The following FGFR1OP2 variants were observed in gnomAD, a reference collection of about 807,000 sequenced individuals.
The protein encoded by FGFR1OP2 is FGFR1 oncogene partner 2.
Under a neutral mutation model 35.2 loss-of-function variants are expected in FGFR1OP2, and 17 were observed. The ratio of observed to expected loss-of-function variants is 0.48; its 90% CI spans 0.33 to 0.73. FGFR1OP2 has a LOEUF of 0.73. Ranked by LOEUF, FGFR1OP2 falls within the 30% of genes least tolerant of loss-of-function variation. The pLI, the probability that FGFR1OP2 is intolerant of heterozygous loss-of-function variation, is 0.02. For synonymous variants in FGFR1OP2, 105 were observed against 104.6 expected, an observed-to-expected ratio of 1.00 and a Z score of -0.03; for missense variants, 251 against 307.3, an observed-to-expected ratio of 0.82 and a Z score of 1.37.
chr12:26,964,677 A>G lies in FGFR1OP2; in HGVS notation c.706A>G (p.Ser236Gly). 6.2e-7 allele frequency: 1 copy of G among 1,612,436 alleles called. No homozygotes were observed. The highest frequency in any genetic ancestry group is 8.5e-7 in the Non-Finnish European group (1 of 1,179,460). ...LNLRKDDASESTSLSALVTNS... is the reference protein window; with the variant it reads ...LNLRKDDASEGTSLSALVTNS... ...CCTAAGGAAAGATGATGCGTCGGAA[A>G]GTACTTCTTTGTCAGCATTAGTGAC... The change falls in exon 7 of 7, where the codon AGT becomes GGT. Residue 236 changes from serine to glycine, a missense_variant. Ser to Gly is a moderately conservative substitution (Grantham distance 56). Coordinates refer to ENST00000229395, the MANE Select transcript of FGFR1OP2 (RefSeq NM_015633.3).
chr12:26,942,651 A>G (rs1374786651), intron 1 of FGFR1OP2, among the ~76,000 whole-genome samples: 13 of 152,146 alleles, frequency 8.5e-5, no homozygotes, highest in Admixed American at 4.6e-4. Flanking sequence ...ATGCAGAAAT[A>G]GATAGTCATT....
chr12:26,941,562 G>A (rs1349787396), intron 1 of FGFR1OP2, among the ~76,000 whole-genome samples: 1 of 152,164 alleles, frequency 6.6e-6, no homozygotes, highest in Non-Finnish European at 1.5e-5. Flanking sequence ...AAATGTAGTT[G>A]ATTTTGATAG....
At chr12:26,954,102 A>G in intron 1 of FGFR1OP2, 43 bp from the exon 2 acceptor site, 2 of 1,370,172 alleles carry the variant, frequency 1.5e-6, no homozygotes, top group East Asian at 2.5e-5. Flanking sequence ...ATAAAGAGAT[A>G]TGTTGACTTT....
At chr12:26,958,575 G>C (rs1939058035) in intron 4 of FGFR1OP2, among the ~76,000 whole-genome samples, 6 of 152,128 alleles carry the variant, frequency 3.9e-5, no homozygotes, top group Admixed American at 3.9e-4. Flanking sequence ...TTCAGGAGAA[G>C]AACCAACATA....
At chr12:26,952,934 CTT>C (rs1214275053) in intron 1 of FGFR1OP2, among the ~76,000 whole-genome samples, 6 of 151,980 alleles carry the variant, frequency 3.9e-5, no homozygotes, top group African/African-American at 1.4e-4. Context: ...GAAAGGATGA[CTT>C]ATATTGAACG....
chr12:26,944,754 TA>T (rs1214340760), intron 1 of FGFR1OP2, among the ~76,000 whole-genome samples: 3 of 152,222 alleles, frequency 2.0e-5, no homozygotes, highest in Non-Finnish European at 4.4e-5. Flanking sequence ...CCTTTTCTAT[TA>T]TTTTTTTAAG....
chr12:26,957,246 T>C (rs997983700), intron 3 of FGFR1OP2, among the ~76,000 whole-genome samples: 3 of 152,196 alleles, frequency 2.0e-5, no homozygotes, highest in African/African-American at 7.2e-5. Context: ...CACCAGTTTC[T>C]TCCCATAGAC....
chr12:26,943,518 A>G (rs997081691), intron 1 of FGFR1OP2, among the ~76,000 whole-genome samples: 9 of 152,286 alleles, frequency 5.9e-5, no homozygotes, highest in African/African-American at 1.9e-4. Flanking sequence ...TGTTTGTACA[A>G]CAGTTACAGA....
chr12:26,960,802 CATTA>C lies in FGFR1OP2; in HGVS notation c.510+178_510+181del, dbSNP rs528564828. ...TTCAGTGTAGAAACTTTAAATCTCT[CATTA>C]ATTTTCTGTGTATTGTATCATGTAC... On this transcript the variant is annotated intron_variant, in intron 5 of 6. Transcript: ENST00000229395. The C allele has an allele frequency of 1.8e-5, 19 of 1,055,188 alleles. No individual in the cohort carries two copies. In the East Asian group the frequency reaches 5.8e-4, roughly 32 times the overall value. The allele number at this position is 1,055,188 out of a possible 1,614,324, so 65.4% of individuals were successfully genotyped here.
chr12:26,946,562 G>T (rs1030021865), intron 1 of FGFR1OP2, among the ~76,000 whole-genome samples: 7 of 152,286 alleles, frequency 4.6e-5, no homozygotes, highest in Middle Eastern at 3.4e-3. Context: ...TGCCAGCCTT[G>T]GCCTCCCAAA....
chr12:26,954,053 G>A, intron 1 of FGFR1OP2, 92 bp from the exon 2 acceptor site: 1 of 914,934 alleles, frequency 1.1e-6, no homozygotes, highest in Non-Finnish European at 1.6e-6. Flanking sequence ...TGTAACAAAT[G>A]TGGCTTAAGA....
chr12:26,960,834 C>A, intron 5 of FGFR1OP2: 1 of 648,162 alleles, frequency 1.5e-6, no homozygotes, highest in Non-Finnish European at 2.2e-6. Flanking sequence ...TCATGTACAG[C>A]CTGTTAGATA....
chr12:26,938,788 G>A (rs1334117823), intron 1 of FGFR1OP2, 78 bp downstream of exon 1: 1 of 152,276 alleles, frequency 6.6e-6, no homozygotes, highest in Non-Finnish European at 1.5e-5. Flanking sequence ...TCCTTCGCCG[G>A]GGCCGGTGCC....
Position 26,964,822 on chromosome 12 carries a change from T to C in FGFR1OP2, c.*89T>C, listed in dbSNP as rs927647725. 1 of 1,459,640 alleles carries C rather than the reference T, an allele frequency of 6.9e-7. No homozygotes were observed. The highest frequency in any genetic ancestry group is 1.4e-5 in the African/African-American group (1 of 71,164). 90.4% of individuals were successfully genotyped at this position (1,459,640 alleles called of 1,614,324 possible). On this transcript the variant is annotated 3_prime_UTR_variant, in exon 7 of 7. Coordinates refer to ENST00000229395, the MANE Select transcript of FGFR1OP2 (RefSeq NM_015633.3). ...TGGACAGAAAATTCAATCCTTTATT[T>C]TTTTCTCTGTAAATATGTACAGTGC...
intron 6 of FGFR1OP2, 86 bp from the exon 7 acceptor site, chr12:26,964,510 A>G: frequency 6.9e-7 from 1 of 1,451,306 alleles, no homozygotes; most frequent in Non-Finnish European, 9.4e-7. Flanking sequence ...ATACCTTCAT[A>G]TGTTCAGTTT....
At chr12:26,951,630 A>G (rs971910279) in intron 1 of FGFR1OP2, among the ~76,000 whole-genome samples, 5 of 152,106 alleles carry the variant, frequency 3.3e-5, no homozygotes, top group Non-Finnish European at 5.9e-5. Flanking sequence ...CAAGGTATAC[A>G]ATATAATAGA....
At position 26,963,347 on chromosome 12, in the gene FGFR1OP2, G is replaced by A; in HGVS notation, c.516G>A (p.Leu172=). The A allele has an allele frequency of 6.3e-7, 1 of 1,596,204 alleles. No homozygotes were observed. Among genetic ancestry groups the A allele is most frequent in the Non-Finnish European group, 8.5e-7 (1 of 1,170,280 alleles). ...CTCCCATCCCTCTTTTTCAGGAACTGCAAGCACATGTTGACCAGATAACTG... is the reference window on the plus strand; with the variant it reads ...CTCCCATCCCTCTTTTTCAGGAACTACAAGCACATGTTGACCAGATAACTG... ...RRHLEANQNE[L]QAHVDQITEM... Residue 172 remains leucine (L), a synonymous_variant, in exon 6 of 7, where the codon CTG becomes CTA. Coordinates refer to ENST00000229395, the MANE Select transcript of FGFR1OP2 (RefSeq NM_015633.3).
chr12:26,943,240 A>G (rs564467986), intron 1 of FGFR1OP2, among the ~76,000 whole-genome samples: 1 of 152,188 alleles, frequency 6.6e-6, no homozygotes, highest in South Asian at 2.1e-4. Flanking sequence ...ACCTTTTTCA[A>G]AAATCCATTG....
chr12:26,959,337 T>A (rs1279267238), intron 4 of FGFR1OP2, among the ~76,000 whole-genome samples: 2 of 152,132 alleles, frequency 1.3e-5, no homozygotes, highest in African/African-American at 4.8e-5. Context: ...GGTATAATAA[T>A]AACTATAGTA....
Sources: gnomAD v4.1 joint callset for allele counts (sites outside exome capture counted in the v4.1 genomes callset) on GRCh38, gnomAD v4.1.1 for gene constraint, MANE v1.5 for transcripts, NCBI Gene and HGNC (gene_info 2026-07-23, HGNC 2026-07-21) for gene names.